The following LMO7 variants were observed in gnomAD, a reference collection of about 807,000 sequenced individuals.
LMO7 encodes the protein LIM domain 7.
LMO7 carries 120 observed loss-of-function variants against 206.5 expected under a neutral mutation model. That is an observed-to-expected ratio of 0.58 (90% confidence interval 0.50 to 0.68). The LOEUF is 0.68. Ranked by LOEUF, LMO7 falls within the 30% of genes least tolerant of loss-of-function variation. The pLI is 0.00. For missense variants in LMO7, 1,959 were observed against 1,957.9 expected (o/e 1.00, Z -0.01); for synonymous variants, 706 against 681.5 (o/e 1.04, Z -0.56).
intron 1 of LMO7, among the ~76,000 whole-genome samples, chr13:75,674,065 C>CA (rs1342341168): frequency 1.3e-5 from 2 of 152,170 alleles, no homozygotes; most frequent in Non-Finnish European, 2.9e-5. Context: ...AACTTTCTCT[C>CA]AAAGTGGTGT....
intron 1 of LMO7, among the ~76,000 whole-genome samples, chr13:75,691,616 C>G (rs562036644): frequency 6.6e-6 from 1 of 150,522 alleles, no homozygotes; most frequent in Non-Finnish European, 1.5e-5. Context: ...CTTTGAAACC[C>G]AGTCCTCTCT....
chr13:75,721,515 GA>G (rs1480112359), intron 2 of LMO7, among the ~76,000 whole-genome samples: 1 of 152,134 alleles, frequency 6.6e-6, no homozygotes, highest in Admixed American at 6.5e-5. Context: ...GTGTTTAGAG[GA>G]AAAGTAAGCA....
chr13:75,656,479 T>G (rs2038072527), intron 1 of LMO7, among the ~76,000 whole-genome samples: 1 of 152,232 alleles, frequency 6.6e-6, no homozygotes, highest in East Asian at 1.9e-4. Context: ...ATTCAAAATT[T>G]TCCATCATTT....
chr13:75,840,224 T>C, intron 21 of LMO7, 114 bp downstream of exon 21: 1 of 1,381,886 alleles, frequency 7.2e-7, no homozygotes, highest in Admixed American at 1.8e-5. Flanking sequence ...CAGAGAGTTA[T>C]CCTTCCAAGT....
At chr13:75,822,491 T>G (rs2057678508) in intron 14 of LMO7, among the ~76,000 whole-genome samples, 1 of 151,938 alleles carries the variant, frequency 6.6e-6, no homozygotes, top group South Asian at 2.1e-4. Context: ...ACAGAAAATG[T>G]TTCTACAAAT....
chr13:75,636,368 G>A lies in LMO7; in HGVS notation c.-290G>A, dbSNP rs2035850623. On this transcript the variant is annotated 5_prime_UTR_variant, in exon 1 of 31. Coordinates refer to ENST00000377534, the MANE Select transcript of LMO7 (RefSeq NM_001306080.2). ...GGCTGGTGCCGCGCGCTGCCGCTGG[G>A]CACCCGCTTCGCTTCCCGCGTCCTG... 1 of 1,259,546 alleles carries A rather than the reference G, an allele frequency of 7.9e-7. No individual in the cohort carries two copies. Among genetic ancestry groups the A allele is most frequent in the Non-Finnish European group, 1.0e-6 (1 of 998,832 alleles). The allele number at this position is 1,259,546 out of a possible 1,614,324, so 78.0% of individuals were successfully genotyped here.
In LMO7 at chr13:75,841,007, G is replaced by C. The variant is rs377400804; in HGVS notation, c.3583-102G>C. The C allele has an allele frequency of 6.9e-5, 49 of 711,380 alleles. No individual in the cohort carries two copies. The East Asian group carries it at 1.1e-3, about 16-fold the overall frequency. 44.1% of individuals were successfully genotyped at this position (711,380 alleles called of 1,614,324 possible). A position where few individuals can be genotyped will look rare whatever the true frequency, so the allele number is the denominator to read the frequency against. ...TGAAAATAAATCATGGTCTTTAAAG[G>C]TTTGAGGTTGAAGGTTTAGAGATCA... On this transcript the variant is annotated intron_variant, in intron 22 of 30. Coordinates refer to ENST00000377534, the MANE Select transcript of LMO7 (RefSeq NM_001306080.2).
intron 30 of LMO7, chr13:75,857,628 A>C (rs1595581620): frequency 4.2e-6 from 1 of 239,898 alleles, no homozygotes; most frequent in East Asian, 8.0e-5. Context: ...TGATTTCTGG[A>C]ATCACCATTG....
intron 15 of LMO7, 103 bp downstream of exon 15, chr13:75,823,976 T>C: frequency 1.1e-6 from 1 of 902,342 alleles, no homozygotes; most frequent in Non-Finnish European, 1.7e-6. Flanking sequence ...TAATCTGGGC[T>C]GAAAATGTGC....
At chr13:75,799,257 A>C (rs1341290938) in intron 6 of LMO7, among the ~76,000 whole-genome samples, 1 of 152,226 alleles carries the variant, frequency 6.6e-6, no homozygotes, top group African/African-American at 2.4e-5. Flanking sequence ...ATTCACTGCA[A>C]ACTCTTCAGC....
At chr13:75,680,602 G>A (rs561034864) in intron 1 of LMO7, among the ~76,000 whole-genome samples, 2 of 150,522 alleles carry the variant, frequency 1.3e-5, no homozygotes, top group Non-Finnish European at 3.0e-5. Flanking sequence ...TTTAAGTTCT[G>A]GGGTCCATGT....
At chr13:75,666,965 C>A (rs1423497608) in intron 1 of LMO7, among the ~76,000 whole-genome samples, 1 of 152,066 alleles carries the variant, frequency 6.6e-6, no homozygotes, top group Non-Finnish European at 1.5e-5. Flanking sequence ...AATCAGTAGT[C>A]CTGGGAGGGT....
chr13:75,660,588 C>T (rs1306675224), intron 1 of LMO7, among the ~76,000 whole-genome samples: 1 of 152,040 alleles, frequency 6.6e-6, no homozygotes, highest in Admixed American at 6.6e-5. Context: ...GTTACTATAC[C>T]AGGAGAGCTC....
chr13:75,636,181 CCA>C, upstream of LMO7: 2 of 530,308 alleles, frequency 3.8e-6, no homozygotes, highest in Non-Finnish European at 4.9e-6. Flanking sequence ...GACAGTCTGA[CCA>C]CAGAGGCGGC....
chr13:75,721,352 G>T (rs1441687684), intron 2 of LMO7, among the ~76,000 whole-genome samples: 2 of 152,136 alleles, frequency 1.3e-5, no homozygotes, highest in Admixed American at 6.5e-5. Flanking sequence ...CCTATGAAAT[G>T]CCAGGTTTTT....
Position 75,807,701 on chromosome 13 carries a change from C to A in LMO7, c.1418C>A (p.Ala473Glu), listed in dbSNP as rs1254077038. The change falls in exon 10 of 31, where the codon GCA becomes GAA. Residue 473 changes from alanine to glutamate, a missense_variant. Transcript: ENST00000377534. ...GTCAGAAAGACTGGGGCTTTCCATG[C>A]AAATCCATATGTTCTCCGAGCTTTT... ...FFVRKTGAFH[A>E]NPYVLRAFED... 5 of 1,613,986 alleles carry A rather than the reference C, an allele frequency of 3.1e-6. No individual in the cohort carries two copies. Among genetic ancestry groups the A allele is most frequent in the South Asian group, 2.2e-5 (2 of 91,082 alleles).
At chr13:75,640,788 G>T (rs1449514520) in intron 1 of LMO7, among the ~76,000 whole-genome samples, 1 of 152,170 alleles carries the variant, frequency 6.6e-6, no homozygotes, top group African/African-American at 2.4e-5. Flanking sequence ...GCAGAAACTT[G>T]CTTCAGTGTC....
At chr13:75,819,924 G>T (rs923205339) in intron 13 of LMO7, among the ~76,000 whole-genome samples, 1 of 152,018 alleles carries the variant, frequency 6.6e-6, no homozygotes, top group Non-Finnish European at 1.5e-5. Context: ...AAAATATAAC[G>T]AAGTTCTTTT....
chr13:75,696,667 A>G (rs2041924153), intron 1 of LMO7, among the ~76,000 whole-genome samples: 1 of 152,154 alleles, frequency 6.6e-6, no homozygotes, highest in Non-Finnish European at 1.5e-5. Flanking sequence ...GCTTGGGACC[A>G]TTATTTGCCC....
Sources: gnomAD v4.1 joint callset for allele counts (sites outside exome capture counted in the v4.1 genomes callset) on GRCh38, gnomAD v4.1.1 for gene constraint, MANE v1.5 for transcripts, NCBI Gene and HGNC (gene_info 2026-07-23, HGNC 2026-07-21) for gene names.